Variants in CDKN2B-AS1 observed in about 807,000 individuals in gnomAD.
CDKN2B-AS1 encodes CDKN2B antisense RNA 1 (non-protein coding).
chr9:22,059,367 C>A (rs1439362222), intron 4 of CDKN2B-AS1, among the ~76,000 whole-genome samples: 1 of 152,194 alleles, frequency 6.6e-6, no homozygotes, highest in East Asian at 1.9e-4. Flanking sequence ...AGGGCCCATG[C>A]AAGTCCAAAA....
intron 1 of CDKN2B-AS1, among the ~76,000 whole-genome samples, chr9:22,044,704 T>A (rs1823034494): frequency 1.3e-5 from 2 of 151,964 alleles, no homozygotes; most frequent in Admixed American, 1.3e-4. Flanking sequence ...CTCCCCCTCC[T>A]TCCTGTGCCT....
intron 1 of CDKN2B-AS1, among the ~76,000 whole-genome samples, chr9:22,017,740 T>G (rs936203501): frequency 8.6e-5 from 13 of 151,992 alleles, no homozygotes; most frequent in African/African-American, 3.1e-4. Flanking sequence ...TGGTATATAT[T>G]TGTTCATTAT....
intron 4 of CDKN2B-AS1, among the ~76,000 whole-genome samples, chr9:22,057,099 G>C (rs1342891391): frequency 6.6e-6 from 1 of 152,084 alleles, no homozygotes; most frequent in African/African-American, 2.4e-5. Flanking sequence ...TTATAAGATA[G>C]TAATATTTGC....
intron 4 of CDKN2B-AS1, chr9:22,118,492 T>A (rs1048143611): frequency 7.2e-5 from 11 of 152,222 alleles, no homozygotes; most frequent in Non-Finnish European, 1.0e-4. Flanking sequence ...TCATCATTCC[T>A]TCTCAGTCCT....
intron 1 of CDKN2B-AS1, chr9:22,029,527 T>C (rs1822379196): frequency 2.6e-6 from 2 of 779,382 alleles, no homozygotes; most frequent in Admixed American, 3.4e-5. Flanking sequence ...ATCTCCGTCC[T>C]GGCCCCCATG....
intron 4 of CDKN2B-AS1, chr9:22,096,604 A>G (rs1825284258): frequency 6.6e-6 from 1 of 152,240 alleles, no homozygotes; most frequent in Non-Finnish European, 1.5e-5. Context: ...CCTTCTGGTT[A>G]AAATACAAGA....
chr9:22,125,568 A>C (rs1182068898), intron 4 of CDKN2B-AS1, among the ~76,000 whole-genome samples: 1 of 152,236 alleles, frequency 6.6e-6, no homozygotes, highest in African/African-American at 2.4e-5. Flanking sequence ...AAAAGTATGC[A>C]GAAGCAGTCA....
intron 1 of CDKN2B-AS1, among the ~76,000 whole-genome samples, chr9:22,015,829 A>G (rs2131210598): frequency 6.6e-6 from 1 of 152,142 alleles, no homozygotes; most frequent in East Asian, 1.9e-4. Context: ...TTTGATTTGC[A>G]TTTCTCTGAT....
chr9:22,023,407 T>G (rs1382539548), intron 1 of CDKN2B-AS1, among the ~76,000 whole-genome samples: 3 of 152,120 alleles, frequency 2.0e-5, no homozygotes, highest in Non-Finnish European at 4.4e-5. Flanking sequence ...CTTCACTTAG[T>G]CTATTCTGTT....
intron 4 of CDKN2B-AS1, among the ~76,000 whole-genome samples, chr9:22,091,836 G>A (rs557360487): frequency 5.3e-5 from 8 of 152,160 alleles, no homozygotes; most frequent in South Asian, 2.1e-4. Flanking sequence ...CCTGATTGCC[G>A]TGGCCAGAAC....
intron 4 of CDKN2B-AS1, among the ~76,000 whole-genome samples, chr9:22,089,927 G>C (rs1480858279): frequency 1.3e-5 from 2 of 151,864 alleles, no homozygotes; most frequent in African/African-American, 2.4e-5. Context: ...GCTGCACCCA[G>C]TAACTCGTCA....
At chr9:22,003,128 G>T in intron 1 of CDKN2B-AS1, 1 of 215,920 alleles carries the variant, frequency 4.6e-6, no homozygotes, top group Non-Finnish European at 9.3e-6. Context: ...AAATTTAACA[G>T]TATATATTAG....
Position 22,006,096 on chromosome 9 carries a change from C to T in CDKN2B-AS1, n.29+10935C>T, listed in dbSNP as rs1475218156. 1.9e-6 allele frequency: 3 copies of T among 1,608,790 alleles called. No individual in the cohort carries two copies. The East Asian group carries it at 6.7e-5, about 36-fold the overall frequency. ...GGCATCGCGCACGTCCAGCCGCGCC[C>T]CGGCCCGGTGCAGCACCACCAGCGT... On this transcript the variant is annotated intron_variant and non_coding_transcript_variant, in intron 1 of 4. Coordinates refer to ENST00000650946, the Ensembl canonical transcript of CDKN2B-AS1. This position sits in a 1 kb window ranked among gnomAD's most constrained non-coding sequence, Gnocchi z 6.4.
At chr9:22,045,941 A>G (rs1386033015) in intron 1 of CDKN2B-AS1, among the ~76,000 whole-genome samples, 1 of 152,160 alleles carries the variant, frequency 6.6e-6, no homozygotes, top group East Asian at 1.9e-4. Flanking sequence ...TTGGACCTAA[A>G]ATGAATTCTC....
intron 4 of CDKN2B-AS1, among the ~76,000 whole-genome samples, chr9:22,106,035 C>T (rs72652498): frequency 4.6e-5 from 7 of 152,136 alleles, no homozygotes; most frequent in East Asian, 1.9e-4. Context: ...CTTAGCCTCC[C>T]GAGTAGCTGG....
At chr9:22,092,931 G>A (rs1825143896) in intron 4 of CDKN2B-AS1, among the ~76,000 whole-genome samples, 1 of 152,114 alleles carries the variant, frequency 6.6e-6, no homozygotes, top group Non-Finnish European at 1.5e-5. Context: ...GTCAATTTTA[G>A]ATCTTTGCTC....
intron 4 of CDKN2B-AS1, among the ~76,000 whole-genome samples, chr9:22,084,376 T>C (rs1395025969): frequency 1.3e-5 from 2 of 152,202 alleles, no homozygotes; most frequent in Non-Finnish European, 2.9e-5. Context: ...TATGTTTAAA[T>C]ACAGAAAACT....
chr9:22,052,880 T>C (rs1194285205), intron 3 of CDKN2B-AS1, among the ~76,000 whole-genome samples: 1 of 152,192 alleles, frequency 6.6e-6, no homozygotes, highest in African/African-American at 2.4e-5. Flanking sequence ...CATGCTGTCA[T>C]TTTTTCTCAT....
At chr9:22,062,208 A>G (rs765468805) in intron 4 of CDKN2B-AS1, among the ~76,000 whole-genome samples, 2 of 152,238 alleles carry the variant, frequency 1.3e-5, no homozygotes, top group African/African-American at 2.4e-5. Context: ...TGAAGCCTCC[A>G]TAACCTCTGG....
Sources: gnomAD v4.1 joint callset for allele counts (sites outside exome capture counted in the v4.1 genomes callset) on GRCh38, gnomAD v4.1.1 for gene constraint, Gnocchi (gnomAD v3.1) non-coding constraint, MANE v1.5 for transcripts, NCBI Gene and HGNC (gene_info 2026-07-23, HGNC 2026-07-21) for gene names.